ZEB1: variants seen among roughly 807,000 people sequenced by gnomAD.
The protein encoded by ZEB1 is zinc finger E-box-binding homeobox 1.
ZEB1 carries 21 observed loss-of-function variants against 84.9 expected under a neutral mutation model. That is an observed-to-expected ratio of 0.25 (90% CI 0.18 to 0.36). The LOEUF (loss-of-function observed/expected upper bound fraction) is 0.36, where lower values mean the gene tolerates loss of function less well. ZEB1 is among the 10% of genes least tolerant of loss of function. The pLI, the probability that ZEB1 is intolerant of heterozygous loss-of-function variation, is 1.00. For missense variants in ZEB1, 1,104 were observed against 1,330.2 expected (o/e 0.83, Z 2.65); for synonymous variants, 420 against 471.1 (o/e 0.89, Z 1.41).
At chr10:31,358,369 T>G (rs1332698205) in intron 1 of ZEB1, 4 of 152,210 alleles carry the variant, frequency 2.6e-5, no homozygotes, top group Non-Finnish European at 5.9e-5. Flanking sequence ...GAATCTACTC[T>G]CTGACTCCTG....
At chr10:31,407,209 A>G (rs1473558319) in intron 1 of ZEB1, among the ~76,000 whole-genome samples, 1 of 149,802 alleles carries the variant, frequency 6.7e-6, no homozygotes, top group Non-Finnish European at 1.5e-5. Flanking sequence ...CTCGTCATCT[A>G]GCATTAGGTA....
In ZEB1 at chr10:31,521,082, T is replaced by G. The variant is rs752368614; in HGVS notation, c.1750T>G (p.Ser584Ala). Residue 584 changes from serine (S) to alanine (A), a missense_variant, in exon 7 of 9, where the codon TCT (serine) becomes GCT (alanine). This residue lies in a region of ZEB1 where 531 missense variants were observed against 575.2 expected (regional missense o/e 0.92). Transcript: ENST00000424869. ...VSSATGDGNL[S>A]PSQPPLKNLL... ...ATCAGCTACTGGAGATGGCAATTTGTCTCCTAGTCAGCCACCTTTAAAGAA... is the reference window on the plus strand; with the variant it reads ...ATCAGCTACTGGAGATGGCAATTTGGCTCCTAGTCAGCCACCTTTAAAGAA... The G allele has an allele frequency of 2.7e-5, 43 of 1,614,066 alleles. No individual in the cohort carries two copies. Among genetic ancestry groups the G allele is most frequent in the Non-Finnish European group, 3.6e-5 (43 of 1,180,000 alleles).
chr10:31,335,297 A>G (rs2037773950), intron 1 of ZEB1, among the ~76,000 whole-genome samples: 1 of 152,102 alleles, frequency 6.6e-6, no homozygotes. Context: ...CGTCTTGGTC[A>G]TCAGATAATA....
intron 1 of ZEB1, chr10:31,363,814 C>T: frequency 7.5e-7 from 1 of 1,338,516 alleles, no homozygotes; most frequent in Non-Finnish European, 1.0e-6. Flanking sequence ...AGGGATAAGA[C>T]ACAGCCTCAT....
chr10:31,328,427 C>T (rs996181887), intron 1 of ZEB1, among the ~76,000 whole-genome samples: 8 of 152,108 alleles, frequency 5.3e-5, no homozygotes, highest in African/African-American at 1.9e-4. Context: ...TTTAAGTTTT[C>T]AACACATGTT....
chr10:31,440,460 G>C (rs2058794187), intron 1 of ZEB1, among the ~76,000 whole-genome samples: 1 of 152,114 alleles, frequency 6.6e-6, no homozygotes, highest in Admixed American at 6.6e-5. Flanking sequence ...ATACTGAATG[G>C]GCAAAAATTG....
rs186898439 is a variant in ZEB1 at position 31,372,339 on chromosome 10, A to G, written c.58+53047A>G. On this transcript the variant is annotated intron_variant, in intron 1 of 8. Coordinates refer to ENST00000424869, the MANE Select transcript of ZEB1 (RefSeq NM_001174096.2). Reference sequence around the variant, plus strand: ...TATCTTAACATTTGGGAATAATTTAATGTGTCTAATACTTGAGAAGGATCA... The same window carrying G: ...TATCTTAACATTTGGGAATAATTTAGTGTGTCTAATACTTGAGAAGGATCA... 2.8e-3 allele frequency among the ~76,000 whole-genome samples: 423 copies of G among 152,198 alleles called. 1 individual carries two copies. Among genetic ancestry groups the G allele is most frequent in the Admixed American group, 5.4e-3 (83 of 15,272 alleles).
At chr10:31,471,425 T>G (rs911529053) in intron 2 of ZEB1, among the ~76,000 whole-genome samples, 2 of 151,458 alleles carry the variant, frequency 1.3e-5, no homozygotes, top group African/African-American at 4.8e-5. Flanking sequence ...TAGTCTCTGA[T>G]AAAACAGACC....
At position 31,527,461 on chromosome 10, in the gene ZEB1, TC is replaced by T. The variant is rs2073719405; in HGVS notation, c.*199del. 4.3e-6 allele frequency: 3 copies of T among 690,272 alleles called. No homozygotes were observed. Among genetic ancestry groups the T allele is most frequent in the Non-Finnish European group, 6.8e-6 (3 of 439,768 alleles). 42.8% of individuals were successfully genotyped at this position (690,272 alleles called of 1,614,324 possible). A position where few individuals can be genotyped will look rare whatever the true frequency, so the allele number is the denominator to read the frequency against. On this transcript the variant is annotated 3_prime_UTR_variant, in exon 9 of 9. Transcript: ENST00000424869. ...CACACACACACACACACAAAATAAA[TC>T]CGGGTGTGCCTGAACCTCAGACCTA...
chr10:31,320,089 C>G (rs910918410), intron 1 of ZEB1: 2 of 151,698 alleles, frequency 1.3e-5, no homozygotes, highest in African/African-American at 4.8e-5. Context: ...CCCCTCCTCC[C>G]TGGCGCCTCC....
intron 1 of ZEB1, among the ~76,000 whole-genome samples, chr10:31,425,534 A>G (rs745770319): frequency 2.6e-5 from 4 of 152,140 alleles, no homozygotes; most frequent in Admixed American, 6.5e-5. Flanking sequence ...TATATATTCT[A>G]CAATAAACCT....
At position 31,378,201 on chromosome 10, in the gene ZEB1, C is replaced by T. The variant is rs142346926; in HGVS notation, c.58+58909C>T. Among the ~76,000 whole-genome samples the T allele has an allele frequency of 9.1e-3, 1,380 of 151,650 alleles. 13 individuals carry two copies. The highest frequency in any genetic ancestry group is 0.031 in the African/African-American group (1,290 of 41,446). The stretch of plus-strand genomic sequence containing the variant: ...AAGGCGGGAGAGTATTTGTGATCTG[C>T]TCACTGAAGCACCACTATATTATCC... On this transcript the variant is annotated intron_variant, in intron 1 of 8. Coordinates refer to ENST00000424869, the MANE Select transcript of ZEB1 (RefSeq NM_001174096.2).
Position 31,528,333 on chromosome 10 carries a change from T to C in ZEB1, c.*1069T>C, listed in dbSNP as rs1388226466. ...CAATTCCTCGGTATTGATTTTATGT[T>C]GATTGATTTTCAGAATTTCTCTACA... On this transcript the variant is annotated 3_prime_UTR_variant, in exon 9 of 9. Transcript: ENST00000424869. 6.6e-6 allele frequency: 1 copy of C among 152,206 alleles called. No individual in the cohort carries two copies. Among genetic ancestry groups the C allele is most frequent in the Non-Finnish European group, 1.5e-5 (1 of 68,038 alleles). 9.4% of individuals were successfully genotyped at this position (152,206 alleles called of 1,614,324 possible).
At chr10:31,337,263 A>G (rs985811112) in intron 1 of ZEB1, among the ~76,000 whole-genome samples, 2 of 152,162 alleles carry the variant, frequency 1.3e-5, no homozygotes, top group African/African-American at 4.8e-5. Context: ...TAAGGATACC[A>G]ATACACATAA....
chr10:31,331,341 C>T (rs1423690595), intron 1 of ZEB1, among the ~76,000 whole-genome samples: 1 of 152,058 alleles, frequency 6.6e-6, no homozygotes, highest in East Asian at 1.9e-4. Flanking sequence ...CTGCCTCAGC[C>T]TCCCAAAGTG....
At chr10:31,338,543 A>G (rs1415651209) in intron 1 of ZEB1, among the ~76,000 whole-genome samples, 2 of 152,190 alleles carry the variant, frequency 1.3e-5, no homozygotes, top group Non-Finnish European at 2.9e-5. Flanking sequence ...ATGTTCTTTA[A>G]TAAACAGGGT....
chr10:31,434,893 T>A (rs2058111611), intron 1 of ZEB1, among the ~76,000 whole-genome samples: 1 of 152,168 alleles, frequency 6.6e-6, no homozygotes, highest in Non-Finnish European at 1.5e-5. Context: ...AGCTTGGAAT[T>A]TAGACTACTG....
At chr10:31,397,222 A>G (rs923156090) in intron 1 of ZEB1, among the ~76,000 whole-genome samples, 61 of 146,692 alleles carry the variant, frequency 4.2e-4, no homozygotes, top group African/African-American at 1.5e-3. Flanking sequence ...TCTAGGGTAC[A>G]TGTGCACAAC....
In ZEB1 at chr10:31,339,091, C is replaced by T. The variant is rs370284321; in HGVS notation, c.58+19799C>T. Among the ~76,000 whole-genome samples, 38 of 152,246 alleles carry T rather than the reference C, an allele frequency of 2.5e-4. 1 individual carries two copies. Among genetic ancestry groups the T allele is most frequent in the African/African-American group, 8.2e-4 (34 of 41,552 alleles). ...AGACAAATCCTTTAGAGTAATAGTT[C>T]TTTACCCATTCAGACCCACACTCCA... is the stretch of plus-strand genomic sequence containing the variant. On this transcript the variant is annotated intron_variant, in intron 1 of 8. Transcript: ENST00000424869.
Sources: gnomAD v4.1 joint callset for allele counts (sites outside exome capture counted in the v4.1 genomes callset) on GRCh38, gnomAD v4.1.1 for gene constraint, gnomAD v4.1.1 regional missense constraint, MANE v1.5 for transcripts, NCBI Gene and HGNC (gene_info 2026-07-23, HGNC 2026-07-21) for gene names.